The following DHRS4L2 variants were observed in gnomAD, a reference collection of about 807,000 sequenced individuals.
The protein encoded by DHRS4L2 is dehydrogenase/reductase SDR family member 4-like 2.
DHRS4L2 carries 22 observed loss-of-function variants against 23.9 expected under a neutral mutation model. The ratio of observed to expected loss-of-function variants is 0.92; its 90% CI spans 0.66 to 1.31. The LOEUF is 1.31. DHRS4L2 is among the 40% of genes most tolerant of loss of function. DHRS4L2 has a pLI of 0.00. For synonymous variants in DHRS4L2, 141 were observed against 123.7 expected (o/e 1.14, Z -0.93); for missense variants, 385 against 303.3 (o/e 1.27, Z -2.00).
At chr14:23,977,892 T>G (rs139601318) in intron 1 of DHRS4L2, among the ~76,000 whole-genome samples, 3 of 151,694 alleles carry the variant, frequency 2.0e-5, no homozygotes, top group East Asian at 1.9e-4. Context: ...TGCGTATAAC[T>G]GATCAAATGG....
chr14:23,989,461 G>A (rs1594464355), intron 1 of DHRS4L2, among the ~76,000 whole-genome samples: 1 of 151,482 alleles, frequency 6.6e-6, no homozygotes, highest in East Asian at 1.9e-4. Flanking sequence ...CATTCTATTT[G>A]GGCTCCAGAA....
intron 2 of DHRS4L2, among the ~76,000 whole-genome samples, chr14:23,991,703 G>T (rs1485378889): frequency 6.6e-6 from 1 of 150,870 alleles, no homozygotes; most frequent in Non-Finnish European, 1.5e-5. Flanking sequence ...GGAAGGGGCT[G>T]CATTGGAAAG....
chr14:23,990,671 A>G, intron 2 of DHRS4L2: 2 of 1,147,408 alleles, frequency 1.7e-6, no homozygotes, highest in Non-Finnish European at 2.2e-6. Context: ...ATGAGCTAAT[A>G]AACATTCCCC....
intron 1 of DHRS4L2, among the ~76,000 whole-genome samples, chr14:23,975,821 C>A (rs113652985): frequency 1.2e-3 from 176 of 151,874 alleles, no homozygotes; most frequent in Middle Eastern, 3.4e-3. Context: ...CAACCATCTG[C>A]TCTTTGACAA....
At chr14:23,983,815 A>C (rs1245840973) in intron 1 of DHRS4L2, among the ~76,000 whole-genome samples, 1 of 151,590 alleles carries the variant, frequency 6.6e-6, no homozygotes, top group Non-Finnish European at 1.5e-5. Context: ...CTCACTCATA[A>C]GTGGGAGTGG....
chr14:23,997,844 C>T (rs1019118405), intron 3 of DHRS4L2, among the ~76,000 whole-genome samples: 1 of 151,792 alleles, frequency 6.6e-6, no homozygotes, highest in African/African-American at 2.4e-5. Flanking sequence ...TTGACCTCCT[C>T]CCATGAATCA....
rs45596131 is a variant in DHRS4L2 at position 23,990,305 on chromosome 14, G to C, written c.252G>C (p.Thr84=). 6.8e-6 allele frequency: 11 copies of C among 1,610,676 alleles called. 1 individual carries two copies. Among genetic ancestry groups the C allele is most frequent in the Admixed American group, 5.0e-5 (3 of 59,800 alleles). ...TGCAGGGGGAGGGGCTGAGCGTGAC[G>C]GGCACTGTGTGCCATGTGGGGAAGG... The part of the protein sequence containing the change: ...ATLQGEGLSV[T]GTVCHVGKAE... Residue 84 remains threonine (T), a synonymous_variant, in exon 2 of 8, where the codon ACG becomes ACC. Transcript: ENST00000335125.
At chr14:23,995,354 G>C (rs2034359666) in intron 3 of DHRS4L2, among the ~76,000 whole-genome samples, 1 of 151,518 alleles carries the variant, frequency 6.6e-6, no homozygotes, top group African/African-American at 2.4e-5. Flanking sequence ...GCTTCTATCT[G>C]CTCTTCATTA....
chr14:23,989,908 CAGG>C (rs36064530), intron 1 of DHRS4L2, among the ~76,000 whole-genome samples: 1,572 of 151,824 alleles, frequency 0.01, 51 homozygotes, highest in African/African-American at 0.035. Flanking sequence ...TCAGTCCCAA[CAGG>C]AGATGAAGCC....
chr14:23,986,169 T>C (rs984868144), upstream of DHRS4L2, among the ~76,000 whole-genome samples: 123 of 151,600 alleles, frequency 8.1e-4, 4 homozygotes, highest in East Asian at 0.016. Flanking sequence ...AGATTTCCTG[T>C]TCTTATCTCC....
chr14:23,988,734 C>CG, upstream of DHRS4L2: 1 of 1,348,426 alleles, frequency 7.4e-7, no homozygotes, highest in East Asian at 2.8e-5. Context: ...CTCACCAGCC[C>CG]GGGAAGGCAA....
Position 24,006,184 on chromosome 14 carries a change from T to C in DHRS4L2, c.*321T>C, listed in dbSNP as rs986823648. The C allele has an allele frequency of 1.1e-4, 147 of 1,290,464 alleles. 2 individuals carry two copies. The highest frequency in any genetic ancestry group is 1.4e-4 in the Non-Finnish European group (139 of 978,194). The allele number at this position is 1,290,464 out of a possible 1,614,324, so 79.9% of individuals were successfully genotyped here. ...GGCGTCTTACTCGGGATTCCTGCTG[T>C]TGTTGTGGCCTTGGGTAAAGGCCTC... is the stretch of plus-strand genomic sequence containing the variant. On this transcript the variant is annotated 3_prime_UTR_variant, in exon 8 of 8. Coordinates refer to ENST00000335125, the MANE Select transcript of DHRS4L2 (RefSeq NM_198083.4).
chr14:23,996,803 G>C (rs1371390329), intron 3 of DHRS4L2, among the ~76,000 whole-genome samples: 2 of 151,682 alleles, frequency 1.3e-5, no homozygotes, highest in Admixed American at 6.6e-5. Context: ...ATCATGCCTG[G>C]CTAATTTTTT....
upstream of DHRS4L2, among the ~76,000 whole-genome samples, chr14:23,987,991 T>G (rs1201055284): frequency 6.6e-6 from 1 of 151,670 alleles, no homozygotes; most frequent in African/African-American, 2.4e-5. Context: ...ACACAGAATT[T>G]ATAGCTGGCA....
At chr14:23,977,334 C>T (rs571639656) in intron 1 of DHRS4L2, among the ~76,000 whole-genome samples, 2 of 151,818 alleles carry the variant, frequency 1.3e-5, no homozygotes, top group African/African-American at 4.8e-5. Context: ...AGTGCTGAGC[C>T]AGCATTCTCA....
At chr14:23,976,181 T>C (rs1299349869) in intron 1 of DHRS4L2, among the ~76,000 whole-genome samples, 6 of 151,640 alleles carry the variant, frequency 4.0e-5, no homozygotes, top group African/African-American at 1.5e-4. Flanking sequence ...ACCTACAGAA[T>C]AGGAGAAAAT....
intron 4 of DHRS4L2, 33 bp downstream of exon 4, chr14:24,000,966 G>A (rs769603521): frequency 4.3e-6 from 7 of 1,611,280 alleles, no homozygotes; most frequent in East Asian, 2.2e-5. Context: ...TGGGTGAGAG[G>A]GGACCCCACA....
chr14:23,971,694 T>C (rs1473827706), intron 1 of DHRS4L2, among the ~76,000 whole-genome samples: 1 of 151,954 alleles, frequency 6.6e-6, no homozygotes, highest in East Asian at 1.9e-4. Context: ...AAAGAAAAGA[T>C]TTTTGAAACT....
At chr14:23,994,474 G>A (rs1469456279) in intron 2 of DHRS4L2, among the ~76,000 whole-genome samples, 1 of 151,704 alleles carries the variant, frequency 6.6e-6, no homozygotes, top group East Asian at 1.9e-4. Flanking sequence ...GATGGCTTGA[G>A]CCCAGGAGTT....
Sources: allele counts gnomAD v4.1 joint callset (sites outside exome capture counted in the v4.1 genomes callset), GRCh38; gene constraint gnomAD v4.1.1; transcripts MANE v1.5; gene names NCBI Gene and HGNC (gene_info 2026-07-23, HGNC 2026-07-21).